Variants in ZNF804B observed in about 807,000 individuals in gnomAD.
The protein encoded by ZNF804B is zinc finger 804B.
In ZNF804B, 80 loss-of-function variants were observed where a neutral mutation model predicts 101.4. The ratio of observed to expected loss-of-function variants is 0.79; its 90% CI spans 0.66 to 0.95. ZNF804B has a LOEUF of 0.95. ZNF804B is among the 40% of genes least tolerant of loss of function. The pLI is 0.00. For synonymous variants in ZNF804B, 622 were observed against 558.8 expected (o/e 1.11, Z -1.59); for missense variants, 1,673 against 1,561.9 (o/e 1.07, Z -1.20).
intron 1 of ZNF804B, among the ~76,000 whole-genome samples, chr7:88,989,305 A>G (rs142013651): frequency 6.6e-6 from 1 of 152,166 alleles, no homozygotes; most frequent in African/African-American, 2.4e-5. Flanking sequence ...AGGGTTGGCA[A>G]CCATTTCAAT....
chr7:88,795,034 G>GT, intron 1 of ZNF804B: 1 of 1,039,514 alleles, frequency 9.6e-7, no homozygotes, highest in Non-Finnish European at 1.3e-6. Flanking sequence ...ATGAACTCGT[G>GT]TTTTTATTTC....
intron 1 of ZNF804B, among the ~76,000 whole-genome samples, chr7:88,888,379 GA>G (rs964332888): frequency 1.3e-5 from 2 of 151,998 alleles, no homozygotes; most frequent in African/African-American, 2.4e-5. Flanking sequence ...GCGACAGAGG[GA>G]GAGTCTGCCT....
chr7:89,272,132 A>G (rs1789908192), intron 2 of ZNF804B, among the ~76,000 whole-genome samples: 1 of 152,018 alleles, frequency 6.6e-6, no homozygotes, highest in East Asian at 1.9e-4. Flanking sequence ...CCATTCTCCC[A>G]ACATATCATT....
intron 1 of ZNF804B, among the ~76,000 whole-genome samples, chr7:89,173,408 A>C (rs969869963): frequency 6.6e-6 from 1 of 152,022 alleles, no homozygotes; most frequent in African/African-American, 2.4e-5. Context: ...AAATCTATAC[A>C]TCAAATATTT....
chr7:88,846,875 A>C (rs1791380507), intron 1 of ZNF804B, among the ~76,000 whole-genome samples: 1 of 151,166 alleles, frequency 6.6e-6, no homozygotes, highest in South Asian at 2.1e-4. Flanking sequence ...GTATATATAC[A>C]CATAAATATA....
chr7:88,987,356 C>G (rs2116145593), intron 1 of ZNF804B, among the ~76,000 whole-genome samples: 1 of 152,196 alleles, frequency 6.6e-6, no homozygotes, highest in Middle Eastern at 3.4e-3. Flanking sequence ...GGGTTAAAAA[C>G]CCAGCACATT....
At chr7:88,795,080 T>C in intron 1 of ZNF804B, 1 of 716,478 alleles carries the variant, frequency 1.4e-6, no homozygotes, top group East Asian at 2.9e-5. Context: ...TCACGGTTTG[T>C]CAAATGTTAC....
At chr7:88,787,691 G>A (rs150807586) in intron 1 of ZNF804B, among the ~76,000 whole-genome samples, 99 of 152,226 alleles carry the variant, frequency 6.5e-4, no homozygotes, top group African/African-American at 2.4e-3. Flanking sequence ...CTCTCATTGT[G>A]CAGATGAGGA....
intron 1 of ZNF804B, among the ~76,000 whole-genome samples, chr7:88,785,419 T>C (rs753228610): frequency 6.6e-5 from 10 of 152,176 alleles, no homozygotes; most frequent in Non-Finnish European, 1.2e-4. Flanking sequence ...CCTAGATTGT[T>C]GTAATAGCCT....
intron 1 of ZNF804B, among the ~76,000 whole-genome samples, chr7:89,211,245 CTT>C (rs1166312484): frequency 6.6e-6 from 1 of 152,052 alleles, no homozygotes; most frequent in African/African-American, 2.4e-5. Flanking sequence ...GGATATTAGA[CTT>C]TTGTCAGATG....
chr7:89,126,675 A>AT lies in ZNF804B; in HGVS notation c.109-91475dup, dbSNP rs567524866. On this transcript the variant is annotated intron_variant, in intron 1 of 3. Coordinates refer to ENST00000333190, the MANE Select transcript of ZNF804B (RefSeq NM_181646.5). ...TGTGTGTGTGTGTGGTGGCCCTTTTATTTTTGGAACACATAAGACTAATTC... is the reference window on the plus strand; with the variant it reads ...TGTGTGTGTGTGTGGTGGCCCTTTTATTTTTTGGAACACATAAGACTAATTC... Among the ~76,000 whole-genome samples the AT allele has an allele frequency of 2.1e-3, 318 of 151,688 alleles. 2 individuals carry two copies. The highest frequency in any genetic ancestry group is 3.5e-3 in the Non-Finnish European group (236 of 67,748).
intron 1 of ZNF804B, among the ~76,000 whole-genome samples, chr7:89,071,729 A>AT (rs35387357): frequency 6.6e-6 from 1 of 151,942 alleles, no homozygotes; most frequent in Non-Finnish European, 1.5e-5. Flanking sequence ...AATATTTGAA[A>AT]TTTTTTAAGT....
intron 1 of ZNF804B, among the ~76,000 whole-genome samples, chr7:89,173,641 G>C (rs921511210): frequency 4.7e-4 from 72 of 152,042 alleles, no homozygotes; most frequent in Non-Finnish European, 8.4e-4. Context: ...CATATGAATG[G>C]CTCTGAAAAC....
intron 1 of ZNF804B, among the ~76,000 whole-genome samples, chr7:89,102,005 T>A (rs1369065774): frequency 1.3e-5 from 2 of 152,000 alleles, no homozygotes; most frequent in African/African-American, 4.8e-5. Context: ...GATAATGGCC[T>A]CCAGCTCCAT....
intron 1 of ZNF804B, among the ~76,000 whole-genome samples, chr7:89,038,579 T>C (rs796553979): frequency 6.6e-6 from 1 of 152,164 alleles, no homozygotes. Context: ...TTATCAGATA[T>C]ATGGTTTGCA....
At chr7:89,067,151 C>G (rs1352335937) in intron 1 of ZNF804B, among the ~76,000 whole-genome samples, 1 of 152,094 alleles carries the variant, frequency 6.6e-6, no homozygotes, top group Non-Finnish European at 1.5e-5. Flanking sequence ...ACCTACCTAC[C>G]TATAAAGAAA....
At position 89,283,525 on chromosome 7, in the gene ZNF804B, C is replaced by G. The variant is rs557204682; in HGVS notation, c.250-43819C>G. The stretch of plus-strand genomic sequence containing the variant: ...CCTGGGTGACACAGCAAGAACCTGT[C>G]TATATAATCTGCAGGGCTATTTATT... On this transcript the variant is annotated intron_variant, in intron 2 of 3. Coordinates refer to ENST00000333190, the MANE Select transcript of ZNF804B (RefSeq NM_181646.5). Among the ~76,000 whole-genome samples, 389 of 152,230 alleles carry G rather than the reference C, an allele frequency of 2.6e-3. 3 individuals are homozygous for G. The highest frequency in any genetic ancestry group is 9.0e-3 in the African/African-American group (376 of 41,550).
At chr7:89,129,697 A>G (rs992070985) in intron 1 of ZNF804B, among the ~76,000 whole-genome samples, 6 of 151,988 alleles carry the variant, frequency 3.9e-5, no homozygotes, top group Admixed American at 3.3e-4. Context: ...TCCATTCACA[A>G]ATTAGAATGT....
At chr7:88,966,506 G>C (rs1174172137) in intron 1 of ZNF804B, among the ~76,000 whole-genome samples, 1 of 151,520 alleles carries the variant, frequency 6.6e-6, no homozygotes, top group Non-Finnish European at 1.5e-5. Flanking sequence ...TCTTCCTCCA[G>C]TTAATATTTA....
Sources: gnomAD v4.1 joint callset for allele counts (sites outside exome capture counted in the v4.1 genomes callset) on GRCh38, gnomAD v4.1.1 for gene constraint, MANE v1.5 for transcripts, NCBI Gene and HGNC (gene_info 2026-07-23, HGNC 2026-07-21) for gene names.